CABYR: variants seen among roughly 807,000 people sequenced by gnomAD.
CABYR encodes the protein calcium-binding tyrosine phosphorylation-regulated protein.
Under a neutral mutation model 36.1 loss-of-function variants are expected in CABYR, and 31 were observed. The ratio of observed to expected loss-of-function variants is 0.86; its 90% confidence interval spans 0.64 to 1.16. The LOEUF (loss-of-function observed/expected upper bound fraction) is 1.16, where lower values mean the gene tolerates loss of function less well. Among genes scored for constraint, CABYR ranks in the 50% most tolerant of loss-of-function variants. The pLI is 0.00. For missense variants in CABYR, 429 were observed against 455.8 expected, an observed-to-expected ratio of 0.94 and a Z score of 0.53; for synonymous variants, 146 against 160.7, an observed-to-expected ratio of 0.91 and a Z score of 0.69.
At chr18:24,142,661 T>G (rs1013632126) in intron 1 of CABYR, among the ~76,000 whole-genome samples, 2 of 151,226 alleles carry the variant, frequency 1.3e-5, no homozygotes, top group Admixed American at 1.3e-4. Flanking sequence ...TTTTTTAAAC[T>G]ACCATCAAGA....
chr18:24,149,663 C>A (rs1235224504), intron 3 of CABYR, among the ~76,000 whole-genome samples: 1 of 152,220 alleles, frequency 6.6e-6, no homozygotes, highest in Non-Finnish European at 1.5e-5. Flanking sequence ...GTGGGAGGCT[C>A]AGGCATGGCG....
At chr18:24,159,125 T>C (rs2085877970) in intron 4 of CABYR, among the ~76,000 whole-genome samples, 1 of 152,206 alleles carries the variant, frequency 6.6e-6, no homozygotes, top group Admixed American at 6.5e-5. Flanking sequence ...TCAATTGACT[T>C]TTGGGTAAAG....
chr18:24,140,769 C>G lies in CABYR; in HGVS notation c.-25+1651C>G, dbSNP rs146664349. On this transcript the variant is annotated intron_variant, in intron 1 of 5. Coordinates refer to ENST00000399496, the MANE Select transcript of CABYR (RefSeq NM_153769.3). ...TGGGTTCAATTGTTTCAATTTTTAG[C>G]TCTCACAAATAAGAGACCATGCAAT... Among the ~76,000 whole-genome samples, 5 of 149,756 alleles carry G rather than the reference C, an allele frequency of 3.3e-5. No individual in the cohort carries two copies. The East Asian group carries it at 9.8e-4, about 29-fold the overall frequency.
chr18:24,159,786 G>C lies in CABYR; in HGVS notation c.856G>C (p.Asp286His). Residue 286 changes from aspartate to histidine, a missense_variant, in exon 5 of 6, where the codon GAT (aspartate) becomes CAT (histidine). Asp to His is a moderately conservative substitution (Grantham distance 81). Coordinates refer to ENST00000399496, the MANE Select transcript of CABYR (RefSeq NM_153769.3). ...LPGHAVVSQS[D>H]VLRYVAMQVP... ...TGGACATGCTGTCGTTTCACAGTCAGATGTCTTGAGATATGTTGCAATGCA... is the reference window on the plus strand; with the variant it reads ...TGGACATGCTGTCGTTTCACAGTCACATGTCTTGAGATATGTTGCAATGCA... 9 of 1,614,124 alleles carry C rather than the reference G, an allele frequency of 5.6e-6. No homozygotes were observed. Among genetic ancestry groups the C allele is most frequent in the Non-Finnish European group, 7.6e-6 (9 of 1,180,022 alleles).
At chr18:24,143,456 TA>T (rs1224314047) in intron 3 of CABYR, 43 bp downstream of exon 3, 1 of 1,141,200 alleles carries the variant, frequency 8.8e-7, no homozygotes. Flanking sequence ...TGATGTTTAT[TA>T]ATTATTGCAT....
At chr18:24,156,942 G>A (rs941820890) in intron 4 of CABYR, 1 of 1,611,908 alleles carries the variant, frequency 6.2e-7, no homozygotes, top group Non-Finnish European at 8.5e-7. Context: ...AGGCCTTACT[G>A]CACCAGAAAT....
intron 3 of CABYR, among the ~76,000 whole-genome samples, chr18:24,146,457 G>A (rs960566282): frequency 6.6e-6 from 1 of 151,982 alleles, no homozygotes; most frequent in Non-Finnish European, 1.5e-5. Context: ...GCTGAGGCAC[G>A]AGAACCGCTT....
intron 4 of CABYR, chr18:24,156,780 G>C: frequency 6.2e-7 from 1 of 1,614,112 alleles, no homozygotes. Context: ...CACTTCAATA[G>C]TCTCTGACAA....
Position 24,156,699 on chromosome 18 carries a change from G to A in CABYR, c.541+657G>A, listed in dbSNP as rs745940446. 5.5e-5 allele frequency: 89 copies of A among 1,614,054 alleles called. 1 individual carries two copies. The highest frequency in any genetic ancestry group is 4.9e-4 in the Middle Eastern group (3 of 6,084). On this transcript the variant is annotated intron_variant, in intron 4 of 5. Transcript: ENST00000399496. ...TTTGAAAGGTCAGCCTGAGGTACCT[G>A]CACAACTCCTGGATGCAGAAGGTGC... is the stretch of plus-strand genomic sequence containing the variant.
chr18:24,141,866 G>A (rs1278440426), intron 1 of CABYR, among the ~76,000 whole-genome samples: 1 of 152,080 alleles, frequency 6.6e-6, no homozygotes, highest in Non-Finnish European at 1.5e-5. Flanking sequence ...TGGGAAGAGG[G>A]TAAGGGAGAT....
rs778246347 is a variant in CABYR, at chr18:24,143,363, A to G, written c.149A>G (p.Asn50Ser). Residue 50 changes from asparagine (N) to serine (S), a missense_variant, in exon 3 of 6, where the codon AAT becomes AGT. Physicochemically the swap from Asn to Ser is conservative, Grantham distance 46. Coordinates refer to ENST00000399496, the MANE Select transcript of CABYR (RefSeq NM_153769.3). ...TTTCCTGTATTGATTCCTTCAGGGA[A>G]TACTACTATGGATATAAAAGATCTG... is the stretch of plus-strand genomic sequence containing the variant. ...YFQELTMYRG[N>S]TTMDIKDLVK... The G allele has an allele frequency of 1.1e-5, 17 of 1,590,718 alleles. No homozygotes were observed. The highest frequency in any genetic ancestry group is 9.0e-5 in the East Asian group (4 of 44,670).
intron 3 of CABYR, chr18:24,152,505 T>A (rs1467368833): frequency 1.3e-5 from 2 of 152,240 alleles, no homozygotes; most frequent in African/African-American, 4.8e-5. Flanking sequence ...TGGTAAATTG[T>A]TAAGGATTCA....
At chr18:24,156,079 T>C in intron 4 of CABYR, 37 bp downstream of exon 4, 1 of 1,614,202 alleles carries the variant, frequency 6.2e-7, no homozygotes, top group South Asian at 1.1e-5. Context: ...CAATCTGATG[T>C]GTTAATGGTG....
intron 1 of CABYR, among the ~76,000 whole-genome samples, chr18:24,141,440 G>C (rs1447117887): frequency 1.3e-5 from 2 of 152,110 alleles, no homozygotes; most frequent in Non-Finnish European, 2.9e-5. Context: ...TTTCTCCTGG[G>C]TTTCAGTATC....
At chr18:24,149,687 G>T (rs1028321164) in intron 3 of CABYR, among the ~76,000 whole-genome samples, 15 of 152,232 alleles carry the variant, frequency 9.9e-5, no homozygotes, top group Non-Finnish European at 1.9e-4. Flanking sequence ...TGCAGGTCCC[G>T]AGCCCTGCCC....
chr18:24,150,936 C>T (rs1330239957), intron 3 of CABYR, among the ~76,000 whole-genome samples: 3 of 152,010 alleles, frequency 2.0e-5, no homozygotes, highest in South Asian at 2.1e-4. Flanking sequence ...CCCGCCACCA[C>T]GCCCGGCTAA....
At chr18:24,159,282 TCTC>T (rs1449084565) in intron 4 of CABYR, among the ~76,000 whole-genome samples, 187 bp from the exon 5 acceptor site, 1 of 152,130 alleles carries the variant, frequency 6.6e-6, no homozygotes, top group Non-Finnish European at 1.5e-5. Flanking sequence ...ACAACACTGT[TCTC>T]CTTTTTCAAC....
chr18:24,156,316 C>T, intron 4 of CABYR: 3 of 1,614,186 alleles, frequency 1.9e-6, no homozygotes, highest in Non-Finnish European at 2.5e-6. Context: ...GAACCTCCTG[C>T]TTATGATCAA....
chr18:24,143,037 A>AC, intron 1 of CABYR, 54 bp from the exon 2 acceptor site: 9 of 1,333,642 alleles, frequency 6.7e-6, no homozygotes, highest in African/African-American at 1.5e-5. Flanking sequence ...AAAAAAAAAA[A>AC]AAAAACCTAT....
Sources: gnomAD v4.1 joint callset for allele counts (sites outside exome capture counted in the v4.1 genomes callset) on GRCh38, gnomAD v4.1.1 for gene constraint, MANE v1.5 for transcripts, NCBI Gene and HGNC (gene_info 2026-07-23, HGNC 2026-07-21) for gene names.